Variants in SHISA9 observed in about 807,000 individuals in gnomAD.
The protein encoded by SHISA9 is protein shisa-9.
Under a neutral mutation model 38.0 loss-of-function variants are expected in SHISA9, and 13 were observed. That is an observed-to-expected ratio of 0.34 (90% CI 0.22 to 0.54). SHISA9 has a LOEUF of 0.54. SHISA9 is among the 20% of genes least tolerant of loss of function. The probability of loss-of-function intolerance (pLI) is 0.91; values close to 1 mark genes in which losing one functional copy is unlikely to be tolerated. For missense variants in SHISA9, 538 were observed against 575.8 expected (o/e 0.93, Z 0.67); for synonymous variants, 275 against 242.0 (o/e 1.14, Z -1.27).
chr16:13,079,933 T>C (rs1022124889), intron 2 of SHISA9, among the ~76,000 whole-genome samples: 2 of 152,162 alleles, frequency 1.3e-5, no homozygotes, highest in Admixed American at 1.3e-4. Flanking sequence ...TTAGTGTTCG[T>C]TGATGCAAGC....
chr16:13,028,678 C>A (rs1181107358), intron 2 of SHISA9, among the ~76,000 whole-genome samples: 2 of 152,158 alleles, frequency 1.3e-5, no homozygotes, highest in African/African-American at 4.8e-5. Flanking sequence ...ACAGCCAAAC[C>A]ATATCAAAAG....
chr16:13,502,590 A>T, the SHISA9 span, among the ~76,000 whole-genome samples: 1 of 152,166 alleles, frequency 6.6e-6, no homozygotes, highest in Non-Finnish European at 1.5e-5. Context: ...ATTAGGAAAG[A>T]CAGGCCGGGC....
At chr16:13,377,408 A>C in the SHISA9 span, among the ~76,000 whole-genome samples, 1 of 152,182 alleles carries the variant, frequency 6.6e-6, no homozygotes, top group Admixed American at 6.5e-5. Context: ...CAAACATCGT[A>C]TTTGTTCCTC....
At chr16:13,219,270 G>A (rs544735916) in intron 4 of SHISA9, among the ~76,000 whole-genome samples, 9 of 152,306 alleles carry the variant, frequency 5.9e-5, no homozygotes, top group Admixed American at 3.3e-4. Flanking sequence ...GCCATCTTGC[G>A]TGACACTCAC....
chr16:12,930,525 C>T (rs1257841669), intron 2 of SHISA9, among the ~76,000 whole-genome samples: 3 of 152,182 alleles, frequency 2.0e-5, no homozygotes, highest in African/African-American at 4.8e-5. Flanking sequence ...TCATTTCTTT[C>T]GGCTTCTCTG....
intron 2 of SHISA9, among the ~76,000 whole-genome samples, chr16:13,139,688 A>G (rs561587451): frequency 6.6e-6 from 1 of 152,116 alleles, no homozygotes; most frequent in East Asian, 1.9e-4. Flanking sequence ...AGATTTCGTA[A>G]AATTCAGTTT....
chr16:13,188,056 G>A (rs560491066), intron 2 of SHISA9, among the ~76,000 whole-genome samples: 2 of 152,264 alleles, frequency 1.3e-5, no homozygotes, highest in South Asian at 4.2e-4. Flanking sequence ...TGGGGGAAAA[G>A]CTGAGCCTCA....
At chr16:13,458,085 T>C in the SHISA9 span, among the ~76,000 whole-genome samples, 8 of 152,264 alleles carry the variant, frequency 5.3e-5, 1 homozygote, top group Admixed American at 5.2e-4. Context: ...GATGAACCTA[T>C]ATTGAGCACC....
chr16:12,917,721 A>G (rs989620731), intron 2 of SHISA9, among the ~76,000 whole-genome samples: 1 of 152,362 alleles, frequency 6.6e-6, no homozygotes, highest in South Asian at 2.1e-4. Flanking sequence ...GGTTTAAAAT[A>G]ACAAAAGCCA....
chr16:13,403,821 C>T, the SHISA9 span, among the ~76,000 whole-genome samples: 1 of 152,132 alleles, frequency 6.6e-6, no homozygotes, highest in Non-Finnish European at 1.5e-5. Flanking sequence ...CGTTTTGGTA[C>T]CAGCTGGCTA....
chr16:13,268,319 G>C, the SHISA9 span, among the ~76,000 whole-genome samples: 1 of 152,166 alleles, frequency 6.6e-6, no homozygotes, highest in African/African-American at 2.4e-5. Flanking sequence ...ACACCAGCCT[G>C]ACCAACATGG....
chr16:13,294,839 A>G, the SHISA9 span, among the ~76,000 whole-genome samples: 16 of 152,180 alleles, frequency 1.1e-4, no homozygotes, highest in Admixed American at 1.0e-3. Context: ...ATTGTGTCCT[A>G]TCTAGAGTGA....
the SHISA9 span, among the ~76,000 whole-genome samples, chr16:13,543,510 C>T: frequency 7.8e-4 from 119 of 152,300 alleles, 2 homozygotes; most frequent in African/African-American, 2.6e-3. Context: ...ACCACTCAGA[C>T]GGCCAGCATA....
chr16:13,253,330 C>G, the SHISA9 span, among the ~76,000 whole-genome samples: 3 of 152,246 alleles, frequency 2.0e-5, no homozygotes, highest in South Asian at 6.2e-4. Context: ...TGCATCTCTT[C>G]TACTATCATG....
chr16:13,553,903 T>A, the SHISA9 span, among the ~76,000 whole-genome samples: 1 of 152,264 alleles, frequency 6.6e-6, no homozygotes, highest in South Asian at 2.1e-4. Context: ...AACCAGATGA[T>A]GATCCACATC....
chr16:13,309,393 A>C, the SHISA9 span, among the ~76,000 whole-genome samples: 1 of 152,090 alleles, frequency 6.6e-6, no homozygotes, highest in Non-Finnish European at 1.5e-5. Flanking sequence ...CTGTAATCCC[A>C]CCACTTTGGG....
At position 13,149,595 on chromosome 16, in the gene SHISA9, C is replaced by T. The variant is rs74597145; in HGVS notation, c.692-53799C>T. Among the ~76,000 whole-genome samples the T allele has an allele frequency of 7.2e-3, 1,094 of 152,088 alleles. 17 individuals carry two copies. The highest frequency in any genetic ancestry group is 0.024 in the African/African-American group (1,014 of 41,486). On this transcript the variant is annotated intron_variant, in intron 2 of 4. Transcript: ENST00000558583. ...ATTGCATCTCTGAGCCTCTCTTTTC[C>T]CAACATTAAAATGGGGGTGGCTCTG... is the stretch of plus-strand genomic sequence containing the variant.
At chr16:12,989,064 C>T (rs1057278848) in intron 2 of SHISA9, among the ~76,000 whole-genome samples, 3 of 152,140 alleles carry the variant, frequency 2.0e-5, no homozygotes, top group Non-Finnish European at 2.9e-5. Context: ...AGTGGCATTG[C>T]TGAAACTTAA....
At chr16:13,260,862 C>T in the SHISA9 span, among the ~76,000 whole-genome samples, 2 of 151,878 alleles carry the variant, frequency 1.3e-5, no homozygotes, top group South Asian at 4.2e-4. Flanking sequence ...AAACTGGGAA[C>T]AAAAAAAGGT....
Sources: allele counts gnomAD v4.1 joint callset (sites outside exome capture counted in the v4.1 genomes callset), GRCh38; gene constraint gnomAD v4.1.1; transcripts MANE v1.5; gene names NCBI Gene and HGNC (gene_info 2026-07-23, HGNC 2026-07-21).